ARNT: variants seen among roughly 807,000 people sequenced by gnomAD.
ARNT encodes the protein class E basic helix-loop-helix protein 2.
Under a neutral mutation model 105.0 loss-of-function variants are expected in ARNT, and 30 were observed. That is an observed-to-expected ratio of 0.29 (90% CI 0.21 to 0.39). The LOEUF is 0.39. Ranked by LOEUF, ARNT falls within the 10% of genes least tolerant of loss-of-function variation. The pLI, the probability that ARNT is intolerant of heterozygous loss-of-function variation, is 1.00. For missense variants in ARNT, 748 were observed against 978.7 expected (o/e 0.76, Z 3.15); for synonymous variants, 304 against 344.0 (o/e 0.88, Z 1.29).
intron 1 of ARNT, among the ~76,000 whole-genome samples, chr1:150,860,765 G>C (rs1432040578): frequency 6.6e-6 from 1 of 151,890 alleles, no homozygotes. Context: ...CTGAGGCAGG[G>C]AGAATTAATT....
intron 13 of ARNT, among the ~76,000 whole-genome samples, chr1:150,824,296 T>G (rs1657744127): frequency 6.6e-6 from 1 of 151,874 alleles, no homozygotes; most frequent in Admixed American, 6.6e-5. Flanking sequence ...AAAGACTGTT[T>G]CCCTACTTCC....
In ARNT at chr1:150,811,473, CACACAT is replaced by C. The variant is rs760531583; in HGVS notation, c.*542_*547del. ...GCATGTGTGCGCACACACACACACA[CACACAT>C]ACACACACACTCTCTCTCACTTACT... On this transcript the variant is annotated 3_prime_UTR_variant, in exon 22 of 22. Transcript: ENST00000358595. 4 of 233,036 alleles carry C rather than the reference CACACAT, an allele frequency of 1.7e-5. No individual in the cohort carries two copies. Among genetic ancestry groups the C allele is most frequent in the Admixed American group, 5.7e-5 (1 of 17,692 alleles). The allele number at this position is 233,036 out of a possible 1,614,324, so 14.4% of individuals were successfully genotyped here.
intron 1 of ARNT, among the ~76,000 whole-genome samples, chr1:150,875,993 G>A (rs942074048): frequency 1.3e-5 from 2 of 152,180 alleles, no homozygotes; most frequent in Non-Finnish European, 2.9e-5. Flanking sequence ...ACGGGGACGG[G>A]GGTTGCGGGT....
chr1:150,837,355 T>G (rs1441887230), intron 6 of ARNT, among the ~76,000 whole-genome samples: 1 of 152,168 alleles, frequency 6.6e-6, no homozygotes, highest in Non-Finnish European at 1.5e-5. Context: ...TCTAAACTAC[T>G]GTTTTCCTGT....
In ARNT at chr1:150,823,243, G is replaced by T; in HGVS notation, c.1345C>A (p.Pro449Thr). The stretch of plus-strand genomic sequence containing the variant: ...ATGTACTCAATTTCATCTGAGTAAG[G>T]GTTCTGGAAAGTAAAGGAGCTGGTT... Reference protein sequence around the residue: ...MRTSSFTFQNPYSDEIEYIIC... With the variant: ...MRTSSFTFQNTYSDEIEYIIC... The change falls in exon 14 of 22, where the codon CCT becomes ACT. Residue 449 changes from proline (P) to threonine (T), a missense_variant. Pro to Thr is a conservative substitution (Grantham distance 38, BLOSUM62 -1). Around this residue, in one of 4 missense-constraint regions of ARNT, gnomAD observed 4 missense variants for 20.6 expected, o/e 0.19. Coordinates refer to ENST00000358595, the MANE Select transcript of ARNT (RefSeq NM_001668.4). 6.2e-7 allele frequency: 1 copy of T among 1,613,872 alleles called. No individual in the cohort carries two copies. The highest frequency in any genetic ancestry group is 8.5e-7 in the Non-Finnish European group (1 of 1,179,818).
At chr1:150,841,431 A>G (rs1009249934) in intron 5 of ARNT, among the ~76,000 whole-genome samples, 1 of 152,130 alleles carries the variant, frequency 6.6e-6, no homozygotes, top group African/African-American at 2.4e-5. Flanking sequence ...TCTTCCCAAT[A>G]CAATGTTTTC....
intron 1 of ARNT, among the ~76,000 whole-genome samples, chr1:150,876,034 A>G (rs1322423981): frequency 1.3e-5 from 2 of 152,244 alleles, no homozygotes; most frequent in African/African-American, 4.8e-5. Flanking sequence ...AACGTCGTAT[A>G]TATCAAAGAA....
intron 19 of ARNT, 47 bp from the exon 20 acceptor site, chr1:150,814,286 TC>T (rs766546722): frequency 1.9e-6 from 3 of 1,575,784 alleles, no homozygotes. Flanking sequence ...AGCATTAACA[TC>T]ATTGCACATA....
Position 150,816,279 on chromosome 1 carries a change from G to T in ARNT, c.1930C>A (p.Arg644Ser). The T allele has an allele frequency of 6.2e-7, 1 of 1,605,108 alleles. No individual in the cohort carries two copies. Among genetic ancestry groups the T allele is most frequent in the Middle Eastern group, 1.7e-4 (1 of 6,034 alleles). Residue 644 changes from arginine to serine, a missense_variant, in exon 19 of 22, where the codon CGC becomes AGC. By Grantham distance (110) the Arg-to-Ser change is moderately radical. Around this residue, in one of 4 missense-constraint regions of ARNT, gnomAD observed 360 missense variants for 411.9 expected, o/e 0.87. Coordinates refer to ENST00000358595, the MANE Select transcript of ARNT (RefSeq NM_001668.4). ...TTTACCTGGGCAGAAAAGCCTGAGC[G>T]GGTAGTAGGGGTCCAAGTTGGGGTT... ...GATPTWTPTTRSGFSAQQVAT... is the reference protein window; with the variant it reads ...GATPTWTPTTSSGFSAQQVAT...
intron 3 of ARNT, among the ~76,000 whole-genome samples, chr1:150,851,155 G>T (rs1302122958): frequency 6.6e-6 from 1 of 150,610 alleles, no homozygotes; most frequent in East Asian, 2.0e-4. Flanking sequence ...GAGGTGGGGG[G>T]CAGCCCCCGC....
In ARNT at chr1:150,816,810, G is replaced by A; in HGVS notation, c.1780C>T (p.Pro594Ser). The A allele has an allele frequency of 1.3e-6, 2 of 1,585,714 alleles. No homozygotes were observed. Among genetic ancestry groups the A allele is most frequent in the Middle Eastern group, 1.7e-4 (1 of 5,940 alleles). ...FSQGNTFPPT[P>S]RPAENFRNSG... ...CACCTGAAATTCTCTGCCGGCCGGG[G>A]GGTAGGAGGGAATGTGTTGCCCTGG... The change falls in exon 18 of 22, where the codon CCC becomes TCC. Residue 594 changes from proline (P) to serine (S), a missense_variant. Coordinates refer to ENST00000358595, the MANE Select transcript of ARNT (RefSeq NM_001668.4).
chr1:150,847,634 T>TA (rs1261783982), intron 3 of ARNT, among the ~76,000 whole-genome samples: 1 of 151,378 alleles, frequency 6.6e-6, no homozygotes, highest in Non-Finnish European at 1.5e-5. Flanking sequence ...TTCACGGGTA[T>TA]AAAAAAAGAC....
chr1:150,839,476 C>G lies in ARNT; in HGVS notation c.451G>C (p.Asp151His), dbSNP rs780013660. ...SLRGTGNTSTDGSYKPSFLTD... is the reference protein window; with the variant it reads ...SLRGTGNTSTHGSYKPSFLTD... ...AGGAAAGACGGCTTATAGGAGCCATCAGTGGATGTGTTGCCAGTTCCCCGC... is the reference window on the plus strand; with the variant it reads ...AGGAAAGACGGCTTATAGGAGCCATGAGTGGATGTGTTGCCAGTTCCCCGC... The change falls in exon 6 of 22, where the codon GAT becomes CAT. Residue 151 changes from aspartate (D) to histidine (H), a missense_variant. Asp to His is a moderately conservative substitution (Grantham distance 81, BLOSUM62 -1). Transcript: ENST00000358595. The G allele has an allele frequency of 4.3e-6, 7 of 1,614,072 alleles. No individual in the cohort carries two copies. Among genetic ancestry groups the G allele is most frequent in the Non-Finnish European group, 5.9e-6 (7 of 1,180,054 alleles).
At chr1:150,823,724 G>A (rs1416779417) in intron 13 of ARNT, among the ~76,000 whole-genome samples, 2 of 149,370 alleles carry the variant, frequency 1.3e-5, no homozygotes, top group African/African-American at 4.9e-5. Context: ...CTAATTTTTT[G>A]TATTTTTAGT....
intron 14 of ARNT, among the ~76,000 whole-genome samples, chr1:150,819,060 G>T (rs1176947330): frequency 6.6e-6 from 1 of 152,004 alleles, no homozygotes; most frequent in Non-Finnish European, 1.5e-5. Context: ...AACTTTACAA[G>T]TTCTAAAGAC....
rs1162629371 is a variant in ARNT, at chr1:150,817,095, G to A, written c.1686C>T (p.His562=). 4.3e-6 allele frequency: 7 copies of A among 1,614,152 alleles called. No individual in the cohort carries two copies. The East Asian group carries it at 1.6e-4, about 36-fold the overall frequency. The change falls in exon 17 of 22, where the codon CAC becomes CAT. Residue 562 remains histidine, a synonymous_variant. Coordinates refer to ENST00000358595, the MANE Select transcript of ARNT (RefSeq NM_001668.4). ...AAAGAAACATACCCGCATTGATGTT[G>A]TGATAGATTTCTGAAAATCTTGGAT... ...DRDPRFSEIY[H]NINADQSKGI...
intron 21 of ARNT, 60 bp downstream of exon 21, chr1:150,813,112 C>T (rs759303852): frequency 6.4e-7 from 1 of 1,561,968 alleles, no homozygotes. Context: ...ACTGTCTCTC[C>T]TCCTCCTGGA....
At chr1:150,827,766 A>G (rs1658570655) in intron 12 of ARNT, among the ~76,000 whole-genome samples, 1 of 152,232 alleles carries the variant, frequency 6.6e-6, no homozygotes, top group South Asian at 2.1e-4. Flanking sequence ...TTGCAAAGCT[A>G]GTAGCTATAC....
chr1:150,824,791 C>T (rs587628379), intron 13 of ARNT, among the ~76,000 whole-genome samples: 53 of 152,052 alleles, frequency 3.5e-4, no homozygotes, highest in African/African-American at 1.2e-3. Flanking sequence ...CAGAGGTTTC[C>T]ATAAATAAAA....
Sources: gnomAD v4.1 joint callset for allele counts (sites outside exome capture counted in the v4.1 genomes callset) on GRCh38, gnomAD v4.1.1 for gene constraint, gnomAD v4.1.1 regional missense constraint, MANE v1.5 for transcripts, NCBI Gene and HGNC (gene_info 2026-07-23, HGNC 2026-07-21) for gene names.